Variants in CABYR observed in about 807,000 individuals in gnomAD.
The protein encoded by CABYR is calcium binding tyrosine phosphorylation regulated, also known as calcium-binding tyrosine phosphorylation-regulated protein.
Under a neutral mutation model 36.1 loss-of-function variants are expected in CABYR, and 31 were observed. That is an observed-to-expected ratio of 0.86 (90% CI 0.64 to 1.16). CABYR has a LOEUF of 1.16. Among genes scored for constraint, CABYR ranks in the 50% most tolerant of loss-of-function variants. The pLI is 0.00. For missense variants in CABYR, 429 were observed against 455.8 expected, an observed-to-expected ratio of 0.94 and a Z score of 0.53; for synonymous variants, 146 against 160.7, an observed-to-expected ratio of 0.91 and a Z score of 0.69.
intron 1 of CABYR, among the ~76,000 whole-genome samples, chr18:24,142,517 C>G (rs962957785): frequency 1.4e-4 from 22 of 151,940 alleles, no homozygotes; most frequent in Non-Finnish European, 5.9e-5. Flanking sequence ...TTTACAGAGG[C>G]AGGTCTTGTT....
intron 5 of CABYR, chr18:24,160,914 C>T (rs3786418): frequency 0.74 from 112,827 of 152,212 alleles, 43,176 homozygotes; most frequent in Non-Finnish European, 0.84. Context: ...CCAGAGACAG[C>T]GAAGTAGGCC....
intron 5 of CABYR, among the ~76,000 whole-genome samples, chr18:24,161,205 G>A (rs1361370590): frequency 1.3e-5 from 2 of 152,156 alleles, no homozygotes; most frequent in Admixed American, 6.5e-5. Context: ...CTGAGAGATC[G>A]ACAAAAGCTA....
In CABYR at chr18:24,143,145, C is replaced by A. The variant is rs748656978; in HGVS notation, c.31C>A (p.Pro11Thr). The part of the protein sequence containing the change: MISSKPRLVV[P>T]YGLKTLLEGI... ...TTCTTCAAAGCCCAGACTTGTCGTA[C>A]CCTATGGCCTCAAGACTCTGCTCGA... The change falls in exon 2 of 6, where the codon CCC becomes ACC. Residue 11 changes from proline to threonine, a missense_variant. By Grantham distance (38) the Pro-to-Thr change is conservative. Transcript: ENST00000399496. 6.2e-7 allele frequency: 1 copy of A among 1,613,042 alleles called. No individual in the cohort carries two copies. Among genetic ancestry groups the A allele is most frequent in the Admixed American group, 1.7e-5 (1 of 59,834 alleles).
At chr18:24,151,102 A>T (rs1394551476) in intron 3 of CABYR, among the ~76,000 whole-genome samples, 1 of 152,056 alleles carries the variant, frequency 6.6e-6, no homozygotes, top group Non-Finnish European at 1.5e-5. Context: ...ATGCCAGAAT[A>T]TGTCCTTTTC....
chr18:24,155,589 T>TG, intron 3 of CABYR, 112 bp from the exon 4 acceptor site: 1 of 811,224 alleles, frequency 1.2e-6, no homozygotes, highest in Non-Finnish European at 1.9e-6. Context: ...TCCAAAGTCC[T>TG]GGGATTACAG....
intron 1 of CABYR, among the ~76,000 whole-genome samples, chr18:24,142,562 G>A (rs991284972): frequency 8.6e-5 from 13 of 151,436 alleles, no homozygotes; most frequent in Non-Finnish European, 1.9e-4. Context: ...TCAGGGTCTT[G>A]GCAGGGCTTT....
At chr18:24,155,009 A>T (rs1036038281) in intron 3 of CABYR, among the ~76,000 whole-genome samples, 1 of 152,228 alleles carries the variant, frequency 6.6e-6, no homozygotes, top group Non-Finnish European at 1.5e-5. Flanking sequence ...AAGTAAAAAA[A>T]ATCCTATAGT....
chr18:24,156,354 A>G (rs2085785673), intron 4 of CABYR: 3 of 1,614,216 alleles, frequency 1.9e-6, no homozygotes, highest in Non-Finnish European at 2.5e-6. Context: ...GCAGGCTGAT[A>G]TTGAGGTTAT....
chr18:24,151,154 C>T (rs530724568), intron 3 of CABYR, among the ~76,000 whole-genome samples: 123 of 838 alleles, frequency 0.15, no homozygotes, highest in Non-Finnish European at 0.35. Flanking sequence ...TACCCTGAAT[C>T]TCCATGAGTT....
chr18:24,142,461 A>G (rs2145851476), intron 1 of CABYR, among the ~76,000 whole-genome samples: 1 of 152,342 alleles, frequency 6.6e-6, no homozygotes, highest in South Asian at 2.1e-4. Context: ...GGACTTGTTT[A>G]GAAACAGATA....
intron 4 of CABYR, chr18:24,157,012 G>T: frequency 6.3e-7 from 1 of 1,578,382 alleles, no homozygotes; most frequent in South Asian, 1.1e-5. Flanking sequence ...AAGAAAATCA[G>T]GTATTTCCAT....
intron 3 of CABYR, among the ~76,000 whole-genome samples, chr18:24,149,163 A>T (rs936090666): frequency 6.6e-5 from 10 of 151,888 alleles, no homozygotes; most frequent in African/African-American, 1.9e-4. Flanking sequence ...CTAGATACAG[A>T]GTGTCGATTG....
chr18:24,141,509 T>C (rs1273684048), intron 1 of CABYR, among the ~76,000 whole-genome samples: 9 of 152,164 alleles, frequency 5.9e-5, no homozygotes, highest in Non-Finnish European at 2.9e-5. Flanking sequence ...GAAACCTGAA[T>C]CATTTAACCA....
intron 4 of CABYR, among the ~76,000 whole-genome samples, chr18:24,158,351 T>G (rs1207144305): frequency 6.6e-6 from 1 of 151,272 alleles, no homozygotes; most frequent in Non-Finnish European, 1.5e-5. Flanking sequence ...GGAGTTTTGC[T>G]CTTGTTGCCC....
Position 24,155,971 on chromosome 18 carries a change from C to G in CABYR, c.470C>G (p.Pro157Arg), listed in dbSNP as rs754220383. The change falls in exon 4 of 6, where the codon CCT becomes CGT. Residue 157 changes from proline (P) to arginine (R), a missense_variant. Pro to Arg is a moderately radical substitution (Grantham distance 103). Transcript: ENST00000399496. ...ACTACTACCCCACCCTCATCACCACCTCCAACAGCTGTCTCACCAGAGTTT... is the reference window on the plus strand; with the variant it reads ...ACTACTACCCCACCCTCATCACCACGTCCAACAGCTGTCTCACCAGAGTTT... ...PKTTTPPSSP[P>R]PTAVSPEFAY... 1 of 1,614,214 alleles carries G rather than the reference C, an allele frequency of 6.2e-7. No homozygotes were observed. The highest frequency in any genetic ancestry group is 1.1e-5 in the South Asian group (1 of 91,072).
chr18:24,150,632 G>A, intron 3 of CABYR: 1 of 925,958 alleles, frequency 1.1e-6, no homozygotes, highest in Non-Finnish European at 1.3e-6. Context: ...ATAGTCTCTG[G>A]TATTCTCATT....
intron 1 of CABYR, among the ~76,000 whole-genome samples, chr18:24,141,720 G>A (rs1204155872): frequency 6.6e-6 from 1 of 151,986 alleles, no homozygotes; most frequent in Non-Finnish European, 1.5e-5. Flanking sequence ...GATTTTTTAG[G>A]AGTCAGAATA....
chr18:24,146,178 A>G (rs368592228), intron 3 of CABYR, among the ~76,000 whole-genome samples: 1 of 152,352 alleles, frequency 6.6e-6, no homozygotes. Flanking sequence ...GAAAATAACC[A>G]TGATTGATAT....
At chr18:24,152,909 C>A (rs1404162531) in intron 3 of CABYR, 1 of 152,238 alleles carries the variant, frequency 6.6e-6, no homozygotes, top group African/African-American at 2.4e-5. Context: ...GGAGGTCAGT[C>A]TGGTTAGGAG....
Sources: allele counts gnomAD v4.1 joint callset (sites outside exome capture counted in the v4.1 genomes callset), GRCh38; gene constraint gnomAD v4.1.1; transcripts MANE v1.5; gene names NCBI Gene and HGNC (gene_info 2026-07-23, HGNC 2026-07-21).